Variants in ULK4 observed in about 807,000 individuals in gnomAD.
ULK4 encodes unc-51 like kinase 4.
ULK4 carries 133 observed loss-of-function variants against 160.6 expected under a neutral mutation model. The ratio of observed to expected loss-of-function variants is 0.83; its 90% CI spans 0.72 to 0.96. The LOEUF (loss-of-function observed/expected upper bound fraction) is 0.96, where lower values mean the gene tolerates loss of function less well. Among genes scored for constraint, ULK4 ranks in the 40% least tolerant of loss-of-function variants. The pLI, the probability that ULK4 is intolerant of heterozygous loss-of-function variation, is 0.00. For synonymous variants in ULK4, 534 were observed against 539.8 expected (o/e 0.99, Z 0.15); for missense variants, 1,580 against 1,499.5 (o/e 1.05, Z -0.89).
At chr3:41,450,794 T>C (rs944996337) in intron 34 of ULK4, among the ~76,000 whole-genome samples, 1 of 152,218 alleles carries the variant, frequency 6.6e-6, no homozygotes, top group Admixed American at 6.5e-5. Flanking sequence ...CAGCTATAAA[T>C]GTGTGTTAAT....
At position 41,394,805 on chromosome 3, in the gene ULK4, C is replaced by T. The variant is rs2082022779; in HGVS notation, c.3678+3274G>A. 3.9e-5 allele frequency among the ~76,000 whole-genome samples: 6 copies of T among 152,182 alleles called. No individual in the cohort carries two copies. The South Asian group carries it at 1.2e-3, about 32-fold the overall frequency. ...ATCTCTGATTGTATGTTTTATATGA[C>T]TTGGCCCAACACTGACTGACCCAGG... is the stretch of plus-strand genomic sequence containing the variant. On this transcript the variant is annotated intron_variant, in intron 35 of 36. Transcript: ENST00000301831.
At chr3:41,864,759 T>A (rs189189422) in intron 17 of ULK4, among the ~76,000 whole-genome samples, 1 of 152,062 alleles carries the variant, frequency 6.6e-6, no homozygotes, top group Admixed American at 6.5e-5. Flanking sequence ...TCATTTACAT[T>A]TATTCATCTT....
At chr3:41,703,164 T>C (rs565094588) in intron 27 of ULK4, among the ~76,000 whole-genome samples, 1 of 152,104 alleles carries the variant, frequency 6.6e-6, no homozygotes, top group South Asian at 2.1e-4. Context: ...AACGACAAGA[T>C]GTGAACAAGA....
intron 31 of ULK4, among the ~76,000 whole-genome samples, chr3:41,567,372 G>A (rs995812819): frequency 6.6e-6 from 1 of 151,646 alleles, no homozygotes; most frequent in African/African-American, 2.4e-5. Context: ...TCAGAGGGCA[G>A]CAGTGGGACT....
rs1463537554 is a variant in ULK4 at position 41,835,872 on chromosome 3, C to T, written c.1756G>A (p.Ala586Thr). Residue 586 changes from alanine to threonine, a missense_variant, in exon 18 of 37, where the codon GCC (alanine) becomes ACC (threonine). By Grantham distance (58) the Ala-to-Thr change is moderately conservative. Transcript: ENST00000301831. ...PTLGELIYLV[A>T]TQEEKKKNPR... The stretch of plus-strand genomic sequence containing the variant: ...TAATCAGACAGTCTCACCTGGGTGG[C>T]TACAAGATAGATCAGCTCCCCAAGG... 1 of 1,607,528 alleles carries T rather than the reference C, an allele frequency of 6.2e-7. No individual in the cohort carries two copies. The highest frequency in any genetic ancestry group is 8.5e-7 in the Non-Finnish European group (1 of 1,175,886).
At chr3:41,355,180 A>G (rs930597010) in intron 35 of ULK4, among the ~76,000 whole-genome samples, 1 of 152,222 alleles carries the variant, frequency 6.6e-6, no homozygotes, top group East Asian at 1.9e-4. Context: ...TTAGAAACTA[A>G]TGATGACTTT....
chr3:41,863,268 G>A (rs1356617110), intron 17 of ULK4, among the ~76,000 whole-genome samples: 2 of 152,130 alleles, frequency 1.3e-5, no homozygotes, highest in Non-Finnish European at 1.5e-5. Context: ...TACCACTGAT[G>A]TTCCCTTAAG....
chr3:41,377,240 C>T (rs1475803908), intron 35 of ULK4, among the ~76,000 whole-genome samples: 1 of 152,190 alleles, frequency 6.6e-6, no homozygotes, highest in Non-Finnish European at 1.5e-5. Flanking sequence ...GGATTAAAGA[C>T]TTACACGTTA....
At chr3:41,784,934 T>A (rs942303555) in intron 21 of ULK4, among the ~76,000 whole-genome samples, 9 of 152,238 alleles carry the variant, frequency 5.9e-5, no homozygotes, top group Non-Finnish European at 1.2e-4. Context: ...TGAAGTATAC[T>A]GATAATTAAA....
intron 21 of ULK4, among the ~76,000 whole-genome samples, chr3:41,785,534 A>G (rs10212536): frequency 0.3 from 45,164 of 152,042 alleles, 9,322 homozygotes; most frequent in African/African-American, 0.59. Context: ...TCTTTTGGAG[A>G]CTGGGTTTCC....
chr3:41,657,045 C>T (rs985238548), intron 30 of ULK4, among the ~76,000 whole-genome samples: 6 of 151,956 alleles, frequency 3.9e-5, no homozygotes, highest in African/African-American at 1.2e-4. Flanking sequence ...TTAACACTTC[C>T]CTCCCAATGA....
intron 16 of ULK4, among the ~76,000 whole-genome samples, chr3:41,892,874 G>T (rs1698015514): frequency 6.6e-6 from 1 of 152,106 alleles, no homozygotes; most frequent in Non-Finnish European, 1.5e-5. Context: ...CCCATACATG[G>T]TTATATTTCT....
At position 41,909,198 on chromosome 3, in the gene ULK4, T is replaced by C. The variant is rs115434868; in HGVS notation, c.1086-1257A>G. Among the ~76,000 whole-genome samples the C allele has an allele frequency of 6.8e-3, 1,024 of 151,620 alleles. 10 individuals are homozygous for C. Among genetic ancestry groups the C allele is most frequent in the African/African-American group, 0.024 (984 of 41,326 alleles). On this transcript the variant is annotated intron_variant, in intron 11 of 36. Coordinates refer to ENST00000301831, the MANE Select transcript of ULK4 (RefSeq NM_017886.4). ...ATAGCTTAAACAGTGTAGGTGAAGG[T>C]TGCAGTGAGCAAAGACCGCACCACT...
At chr3:41,846,200 CT>C (rs1247493636) in intron 17 of ULK4, among the ~76,000 whole-genome samples, 3 of 152,092 alleles carry the variant, frequency 2.0e-5, no homozygotes, top group Non-Finnish European at 4.4e-5. Context: ...GATAATGGTT[CT>C]CCTCAAGGTT....
At chr3:41,430,480 C>A (rs2082879978) in intron 34 of ULK4, among the ~76,000 whole-genome samples, 1 of 152,166 alleles carries the variant, frequency 6.6e-6, no homozygotes, top group South Asian at 2.1e-4. Context: ...CAAGGCGCCA[C>A]AGGAGACTCA....
At chr3:41,372,123 C>G (rs1219977196) in intron 35 of ULK4, among the ~76,000 whole-genome samples, 1 of 151,886 alleles carries the variant, frequency 6.6e-6, no homozygotes, top group African/African-American at 2.4e-5. Context: ...CAAACAAAGC[C>G]TCCAAGAAAT....
intron 17 of ULK4, among the ~76,000 whole-genome samples, chr3:41,860,826 G>A (rs1374852722): frequency 6.6e-6 from 1 of 152,030 alleles, no homozygotes; most frequent in Non-Finnish European, 1.5e-5. Context: ...ACTAGTGAAG[G>A]TGATTTTCTC....
intron 21 of ULK4, among the ~76,000 whole-genome samples, chr3:41,787,879 C>A (rs1559553256): frequency 6.6e-6 from 1 of 152,070 alleles, no homozygotes; most frequent in African/African-American, 2.4e-5. Context: ...ACATAACAAC[C>A]TATTTTACTG....
At chr3:41,933,581 C>A (rs150280742) in intron 4 of ULK4, among the ~76,000 whole-genome samples, 312 of 152,214 alleles carry the variant, frequency 2.0e-3, no homozygotes, top group Middle Eastern at 3.4e-3. Flanking sequence ...TTTTTCAGAT[C>A]ATAACAGCTG....
Sources: allele counts gnomAD v4.1 joint callset (sites outside exome capture counted in the v4.1 genomes callset), GRCh38; gene constraint gnomAD v4.1.1; transcripts MANE v1.5; gene names NCBI Gene and HGNC (gene_info 2026-07-23, HGNC 2026-07-21).